The following RMDN2 variants were observed in gnomAD, a reference collection of about 807,000 sequenced individuals.
RMDN2 encodes the protein regulator of microtubule dynamics protein 2.
RMDN2 carries 61 observed loss-of-function variants against 52.8 expected under a neutral mutation model. The ratio of observed to expected loss-of-function variants is 1.16; its 90% CI spans 0.94 to 1.43. The LOEUF is 1.43. Among genes scored for constraint, RMDN2 ranks in the 40% most tolerant of loss-of-function variants. The pLI, the probability that RMDN2 is intolerant of heterozygous loss-of-function variation, is 0.00. For missense variants in RMDN2, 592 were observed against 475.3 expected (o/e 1.25, Z -2.28); for synonymous variants, 180 against 153.1 (o/e 1.18, Z -1.30).
At chr2:37,944,760 A>C (rs1251229659) in intron 2 of RMDN2, among the ~76,000 whole-genome samples, 1 of 152,166 alleles carries the variant, frequency 6.6e-6, no homozygotes, top group Non-Finnish European at 1.5e-5. Flanking sequence ...CTTTAGATGG[A>C]AGGAGGTTGT....
At chr2:38,024,248 A>G (rs1679607100) in intron 10 of RMDN2, among the ~76,000 whole-genome samples, 1 of 152,178 alleles carries the variant, frequency 6.6e-6, no homozygotes, top group Non-Finnish European at 1.5e-5. Context: ...ATCTATGAAA[A>G]TTCATATAAA....
chr2:38,006,533 G>A (rs1432473028), intron 10 of RMDN2, among the ~76,000 whole-genome samples: 1 of 152,154 alleles, frequency 6.6e-6, no homozygotes, highest in Non-Finnish European at 1.5e-5. Context: ...AAGAATGCTT[G>A]TGATTTTTGC....
chr2:38,042,964 G>A (rs1583171), intron 10 of RMDN2, among the ~76,000 whole-genome samples: 101,123 of 151,828 alleles, frequency 0.67, 34,359 homozygotes, highest in East Asian at 0.92. Context: ...AGAATAATGT[G>A]TATTCTGCTC....
At chr2:38,010,139 G>A (rs1044154269) in intron 10 of RMDN2, among the ~76,000 whole-genome samples, 11 of 152,298 alleles carry the variant, frequency 7.2e-5, no homozygotes, top group African/African-American at 2.4e-4. Context: ...GTGCCTCCCA[G>A]TTAGGCTACT....
chr2:37,969,096 C>T (rs1290750224), intron 2 of RMDN2, among the ~76,000 whole-genome samples: 1 of 151,380 alleles, frequency 6.6e-6, no homozygotes, highest in East Asian at 1.9e-4. Flanking sequence ...TTTTGTTGCC[C>T]AGTTTACCTG....
chr2:38,026,430 T>A (rs1679786802), intron 10 of RMDN2, among the ~76,000 whole-genome samples: 1 of 152,138 alleles, frequency 6.6e-6, no homozygotes, highest in African/African-American at 2.4e-5. Context: ...GCTTCTGAAA[T>A]TAACAGCTTT....
At chr2:38,023,145 T>C (rs977025848) in intron 10 of RMDN2, among the ~76,000 whole-genome samples, 2 of 152,178 alleles carry the variant, frequency 1.3e-5, no homozygotes, top group African/African-American at 4.8e-5. Flanking sequence ...TTACCCCATT[T>C]AAGATAGGGG....
chr2:37,984,924 T>C (rs1673802404), intron 5 of RMDN2, among the ~76,000 whole-genome samples: 1 of 151,918 alleles, frequency 6.6e-6, no homozygotes, highest in South Asian at 2.1e-4. Flanking sequence ...GTAGAATGGA[T>C]TGAAAGAAAA....
intron 2 of RMDN2, among the ~76,000 whole-genome samples, chr2:37,948,053 G>A (rs1403616350): frequency 6.6e-6 from 1 of 152,100 alleles, no homozygotes; most frequent in African/African-American, 2.4e-5. Flanking sequence ...CTTGACTCTG[G>A]GGGTCGTCAT....
chr2:37,945,847 C>G (rs1446901755), intron 2 of RMDN2, among the ~76,000 whole-genome samples: 4 of 152,094 alleles, frequency 2.6e-5, no homozygotes, highest in Admixed American at 2.6e-4. Context: ...CTGCCTCTCG[C>G]CTTACTCATC....
At chr2:37,981,364 C>G in intron 5 of RMDN2, 21 bp downstream of exon 5, 2 of 1,524,908 alleles carry the variant, frequency 1.3e-6, no homozygotes, top group Non-Finnish European at 9.1e-7. Context: ...AGGATTTATG[C>G]AGTCTTTTAA....
At chr2:38,028,227 A>G (rs576112251) in intron 10 of RMDN2, 1 of 152,386 alleles carries the variant, frequency 6.6e-6, no homozygotes, top group South Asian at 2.1e-4. Flanking sequence ...AAAATTAAGT[A>G]TGAAAGTGAC....
At chr2:38,031,256 C>CG (rs1680178187) in intron 10 of RMDN2, among the ~76,000 whole-genome samples, 2 of 105,860 alleles carry the variant, frequency 1.9e-5, no homozygotes, top group Admixed American at 1.1e-4. Context: ...CTTTGTTTCC[C>CG]TTTTTTTTTT....
At chr2:37,952,253 A>C in intron 2 of RMDN2, 1 of 1,558,690 alleles carries the variant, frequency 6.4e-7, no homozygotes. Context: ...TAGTTTTCCC[A>C]CCAGTCACTT....
chr2:38,010,389 G>A (rs1677791718), intron 10 of RMDN2, among the ~76,000 whole-genome samples: 1 of 152,202 alleles, frequency 6.6e-6, no homozygotes, highest in South Asian at 2.1e-4. Flanking sequence ...GCTTTGTTTA[G>A]CTACTCAAGC....
intron 10 of RMDN2, among the ~76,000 whole-genome samples, chr2:38,016,435 C>G (rs963906531): frequency 2.0e-5 from 3 of 152,184 alleles, no homozygotes; most frequent in African/African-American, 7.2e-5. Context: ...TACCAAAGAA[C>G]TCTTTGTCTG....
chr2:37,937,280 A>G (rs1162137344), intron 2 of RMDN2, among the ~76,000 whole-genome samples: 1 of 152,194 alleles, frequency 6.6e-6, no homozygotes, highest in Non-Finnish European at 1.5e-5. Flanking sequence ...TTTTGGTACC[A>G]GTACCATGCT....
chr2:37,944,870 A>C (rs1668094222), intron 2 of RMDN2, among the ~76,000 whole-genome samples: 1 of 152,194 alleles, frequency 6.6e-6, no homozygotes, highest in South Asian at 2.1e-4. Flanking sequence ...TTTATGGGCC[A>C]CAAGGAAGAA....
chr2:38,056,472 A>G (rs1681859754), intron 10 of RMDN2, among the ~76,000 whole-genome samples: 1 of 152,198 alleles, frequency 6.6e-6, no homozygotes, highest in Non-Finnish European at 1.5e-5. Flanking sequence ...TTATTTTTAT[A>G]ACAGTTTTAT....
Sources: allele counts gnomAD v4.1 joint callset (sites outside exome capture counted in the v4.1 genomes callset), GRCh38; gene constraint gnomAD v4.1.1; transcripts MANE v1.5; gene names NCBI Gene and HGNC (gene_info 2026-07-23, HGNC 2026-07-21).